Variants in DDX54 observed in about 807,000 individuals in gnomAD.
DDX54 encodes ATP-dependent RNA helicase DDX54.
In DDX54, 67 loss-of-function variants were observed where a neutral mutation model predicts 105.5. That is an observed-to-expected ratio of 0.64 (90% CI 0.52 to 0.78). DDX54 has a LOEUF of 0.78. Among genes scored for constraint, DDX54 ranks in the 30% least tolerant of loss-of-function variants. DDX54 has a pLI of 0.00. For synonymous variants in DDX54, 514 were observed against 509.9 expected (o/e 1.01, Z -0.11); for missense variants, 1,206 against 1,230.5 (o/e 0.98, Z 0.30).
intron 7 of DDX54, among the ~76,000 whole-genome samples, chr12:113,175,613 C>A (rs541329698): frequency 2.6e-5 from 4 of 152,212 alleles, no homozygotes; most frequent in Admixed American, 2.6e-4. Flanking sequence ...ACAGTGAAAC[C>A]CCGTCTCTAT....
chr12:113,159,485 C>G (rs990338777), intron 19 of DDX54, among the ~76,000 whole-genome samples: 1 of 152,118 alleles, frequency 6.6e-6, no homozygotes, highest in East Asian at 1.9e-4. Flanking sequence ...ATAGTGGGAG[C>G]CTTTTGGGCA....
chr12:113,175,886 G>A (rs570517534), intron 7 of DDX54, among the ~76,000 whole-genome samples: 5 of 152,130 alleles, frequency 3.3e-5, no homozygotes, highest in African/African-American at 7.2e-5. Flanking sequence ...CTGGGAGGTC[G>A]AGGCTGCAGT....
At chr12:113,179,799 C>T (rs570634937) in intron 3 of DDX54, 136 bp downstream of exon 3, 76 of 1,041,112 alleles carry the variant, frequency 7.3e-5, no homozygotes, top group African/African-American at 1.7e-4. Flanking sequence ...GAAGTGGGCA[C>T]GCTAGCTGGG....
chr12:113,160,996 G>A (rs768548885), intron 19 of DDX54, among the ~76,000 whole-genome samples: 13 of 151,974 alleles, frequency 8.6e-5, no homozygotes, highest in Non-Finnish European at 1.3e-4. Context: ...GAAGGGGGTC[G>A]GGGACAAGGC....
intron 2 of DDX54, among the ~76,000 whole-genome samples, 182 bp downstream of exon 2, chr12:113,180,747 T>G (rs1952456645): frequency 6.6e-6 from 1 of 152,126 alleles, no homozygotes; most frequent in African/African-American, 2.4e-5. Context: ...CTAACTGCCC[T>G]CTCCTGTGTC....
intron 1 of DDX54, among the ~76,000 whole-genome samples, chr12:113,181,500 G>A (rs993426522): frequency 6.7e-6 from 1 of 149,110 alleles, no homozygotes; most frequent in Admixed American, 6.7e-5. Flanking sequence ...TTGTAGAGAT[G>A]AGGTCTTACT....
intron 7 of DDX54, among the ~76,000 whole-genome samples, 157 bp from the exon 8 acceptor site, chr12:113,175,314 A>C (rs966509086): frequency 6.6e-6 from 1 of 152,154 alleles, no homozygotes; most frequent in East Asian, 1.9e-4. Context: ...CATCCTAAAC[A>C]ACAATAACCT....
chr12:113,164,227 T>G lies in DDX54; in HGVS notation c.1778A>C (p.Lys593Thr). Residue 593 changes from lysine to threonine, a missense_variant, in exon 15 of 20, where the codon AAG becomes ACG. Lys to Thr is a moderately conservative substitution (Grantham distance 78). Around this residue, in one of 3 missense-constraint regions of DDX54, gnomAD observed 961 missense variants for 1,019.1 expected, o/e 0.94. Transcript: ENST00000306014. ...GATGGCCTTGCGGTCCTTCTGCCGC[T>G]TGGCGCGCATCACCTGGCTGCACAG... ...RDLCSQVMRA[K>T]RQKDRKAIAR... 2 of 1,592,386 alleles carry G rather than the reference T, an allele frequency of 1.3e-6. No individual in the cohort carries two copies. Among genetic ancestry groups the G allele is most frequent in the Non-Finnish European group, 1.7e-6 (2 of 1,170,442 alleles).
At chr12:113,164,046 T>A (rs1311873782) in intron 15 of DDX54, 21 bp downstream of exon 15, 1 of 1,532,590 alleles carries the variant, frequency 6.5e-7, no homozygotes, top group Non-Finnish European at 8.8e-7. Flanking sequence ...AGGTCCAGGG[T>A]CCCCAGGGTG....
Position 113,163,368 on chromosome 12 carries a change from G to T in DDX54, c.1939-94C>A. ...ACCCACCAGCCTGGCCACAGTGAGG[G>T]GCCAGTGGCTTCTCGGGGACTTTCA... On this transcript the variant is annotated intron_variant, in intron 15 of 19. Transcript: ENST00000306014. The surrounding 1 kb of genome is among the most constrained non-coding windows in gnomAD (Gnocchi z 5.9). The T allele has an allele frequency of 1.3e-6, 2 of 1,499,232 alleles. No individual in the cohort carries two copies. Among genetic ancestry groups the T allele is most frequent in the Non-Finnish European group, 1.8e-6 (2 of 1,127,158 alleles). The allele number at this position is 1,499,232 out of a possible 1,614,324, so 92.9% of individuals were successfully genotyped here. A position where few individuals can be genotyped will look rare whatever the true frequency, so the allele number is the denominator to read the frequency against.
At position 113,180,949 on chromosome 12, in the gene DDX54, G is replaced by GACT; in HGVS notation, c.281_283dup (p.Lys94_Ser95insTer). ...CCCACCCATGGACTGGAAGCCTCCA[G>GACT]ACTTCTTCTTCTTCTTGTTCTGGGC... On this transcript the variant is annotated stop_gained, in exon 2 of 20. Coordinates refer to ENST00000306014, the MANE Select transcript of DDX54 (RefSeq NM_024072.4). LOFTEE classifies it high-confidence loss of function. 1 of 1,612,254 alleles carries GACT rather than the reference G, an allele frequency of 6.2e-7. No individual in the cohort carries two copies.
At chr12:113,175,499 T>C (rs1349516392) in intron 7 of DDX54, among the ~76,000 whole-genome samples, 2 of 152,012 alleles carry the variant, frequency 1.3e-5, no homozygotes, top group Non-Finnish European at 2.9e-5. Flanking sequence ...AATAAAAAAT[T>C]AGCTGGGGCC....
Position 113,166,106 on chromosome 12 carries a change from G to A in DDX54, c.1415-74C>T, listed in dbSNP as rs1197618449. 1.4e-5 allele frequency: 20 copies of A among 1,462,048 alleles called. No individual in the cohort carries two copies. In the Admixed American group the frequency reaches 1.7e-4, roughly 12 times the overall value. 90.6% of individuals were successfully genotyped at this position (1,462,048 alleles called of 1,614,324 possible). ...TGTCCACTGCCCGACCACCACTCTT[G>A]GGCCTCACCCTGGCCCCTGAATCAC... is the stretch of plus-strand genomic sequence containing the variant. On this transcript the variant is annotated intron_variant, in intron 12 of 19. Transcript: ENST00000306014.
At chr12:113,169,740 GA>G in intron 12 of DDX54, 29 bp downstream of exon 12, 1 of 1,608,098 alleles carries the variant, frequency 6.2e-7, no homozygotes, top group South Asian at 1.1e-5. Flanking sequence ...ACTCCACGGG[GA>G]CCCCTATCCC....
Position 113,163,207 on chromosome 12 carries a change from C to T in DDX54, c.2006G>A (p.Arg669Gln), listed in dbSNP as rs139432025. 52 of 1,612,108 alleles carry T rather than the reference C, an allele frequency of 3.2e-5. 1 individual carries two copies. Among genetic ancestry groups the T allele is most frequent in the South Asian group, 4.4e-5 (4 of 91,090 alleles). ...RSGPNRGAKR[R>Q]REEARQRDQE... ...GTCCCGCTGCCGGGCCTCCTCCCTC[C>T]GCCTCTTGGCTCCCCTGTTGGGTCC... Residue 669 changes from arginine (R) to glutamine (Q), a missense_variant, in exon 16 of 20, where the codon CGG becomes CAG. Arg to Gln is a conservative substitution (Grantham distance 43). Coordinates refer to ENST00000306014, the MANE Select transcript of DDX54 (RefSeq NM_024072.4). The surrounding 1 kb of genome is among the most constrained non-coding windows in gnomAD (Gnocchi z 5.9).
chr12:113,174,474 G>A (rs774861696), intron 10 of DDX54, among the ~76,000 whole-genome samples, 166 bp downstream of exon 10: 7 of 152,154 alleles, frequency 4.6e-5, no homozygotes, highest in Non-Finnish European at 4.4e-5. Context: ...ATGGCAGAGC[G>A]AGGCTCCGTC....
rs570663780 is a variant in DDX54, at chr12:113,182,754, A to G, written c.175-1696T>C. 5.3e-3 allele frequency among the ~76,000 whole-genome samples: 806 copies of G among 150,734 alleles called. 12 individuals are homozygous for G. Among genetic ancestry groups the G allele is most frequent in the African/African-American group, 0.019 (762 of 40,936 alleles). ...GTATTTTCAGTAGAGATGGGGTTTC[A>G]CCATGTTGGCCAGGCCGGTCTCAAA... is the stretch of plus-strand genomic sequence containing the variant. On this transcript the variant is annotated intron_variant, in intron 1 of 19. Transcript: ENST00000306014.
chr12:113,184,825 CA>C (rs908305784), intron 1 of DDX54, among the ~76,000 whole-genome samples: 1 of 151,926 alleles, frequency 6.6e-6, no homozygotes, highest in East Asian at 1.9e-4. Flanking sequence ...GACTCTGTCT[CA>C]AAAAAAATTG....
chr12:113,181,227 G>A (rs1339729264), intron 1 of DDX54, among the ~76,000 whole-genome samples, 169 bp from the exon 2 acceptor site: 1 of 152,030 alleles, frequency 6.6e-6, no homozygotes, highest in African/African-American at 2.4e-5. Context: ...GGCCAGGACA[G>A]AAGTTTAGAG....
Sources: gnomAD v4.1 joint callset for allele counts (sites outside exome capture counted in the v4.1 genomes callset) on GRCh38, gnomAD v4.1.1 for gene constraint, gnomAD v4.1.1 regional missense constraint, Gnocchi (gnomAD v3.1) non-coding constraint, MANE v1.5 for transcripts, NCBI Gene and HGNC (gene_info 2026-07-23, HGNC 2026-07-21) for gene names.